TCP1: variants seen among roughly 807,000 people sequenced by gnomAD.
The protein encoded by TCP1 is t-complex 1.
In TCP1, 6 loss-of-function variants were observed where a neutral mutation model predicts 54.7. The observed-to-expected ratio is 0.11, with a 90% CI of 0.06 to 0.22. TCP1 has a LOEUF of 0.22. Ranked by LOEUF, TCP1 falls within the 10% of genes least tolerant of loss-of-function variation. The probability of loss-of-function intolerance (pLI) is 1.00; values close to 1 mark genes in which losing one functional copy is unlikely to be tolerated. For synonymous variants in TCP1, 225 were observed against 229.7 expected, an observed-to-expected ratio of 0.98 and a Z score of 0.19; for missense variants, 511 against 678.2, an observed-to-expected ratio of 0.75 and a Z score of 2.74.
chr6:159,789,132 G>A (rs1029708816), intron 1 of TCP1: 2 of 469,610 alleles, frequency 4.3e-6, no homozygotes, highest in Admixed American at 3.6e-5. Context: ...CTTTCCCGCG[G>A]AGGGCGCGTT....
At position 159,778,838 on chromosome 6, in the gene TCP1, A is replaced by C; in HGVS notation, c.*207T>G. The C allele has an allele frequency of 6.2e-7, 1 of 1,614,036 alleles. No individual in the cohort carries two copies. Among genetic ancestry groups the C allele is most frequent in the Non-Finnish European group, 8.5e-7 (1 of 1,179,910 alleles). ...GTGTTCAGAGAGAATGAATTGCTTA[A>C]ACTTTGAACAACCTCAATTTCTTTT... On this transcript the variant is annotated 3_prime_UTR_variant, in exon 12 of 12. Transcript: ENST00000321394.
intron 4 of TCP1, 170 bp downstream of exon 4, chr6:159,785,730 G>A: frequency 5.1e-6 from 4 of 788,674 alleles, no homozygotes; most frequent in Admixed American, 1.9e-5. Flanking sequence ...AGTCAAATGA[G>A]AAAAAAGATA....
Position 159,785,530 on chromosome 6 carries a change from A to G in TCP1, c.378-34T>C, listed in dbSNP as rs149239426. 9,038 of 1,500,958 alleles carry G rather than the reference A, an allele frequency of 6.0e-3. 97 individuals are homozygous for G. The highest frequency in any genetic ancestry group is 0.05 in the Middle Eastern group (294 of 5,870). The allele number at this position is 1,500,958 out of a possible 1,614,324, so 93.0% of individuals were successfully genotyped here. Reference sequence around the variant, plus strand: ...AAGTGTGGGGGAGAAAAACGCTTATAAAGTCACTACTCAAACTCTTTGCAT... The same window carrying G: ...AAGTGTGGGGGAGAAAAACGCTTATGAAGTCACTACTCAAACTCTTTGCAT... On this transcript the variant is annotated intron_variant, in intron 4 of 11. Transcript: ENST00000321394.
chr6:159,786,058 G>A, intron 3 of TCP1, 61 bp from the exon 4 acceptor site: 5 of 1,330,622 alleles, frequency 3.8e-6, no homozygotes, highest in South Asian at 1.2e-5. Flanking sequence ...CAATACATAT[G>A]GAATGACACT....
chr6:159,789,459 G>A lies in TCP1; in HGVS notation c.10C>T (p.Pro4Ser). The A allele has an allele frequency of 6.2e-7, 1 of 1,613,926 alleles. No individual in the cohort carries two copies. Among genetic ancestry groups the A allele is most frequent in the Non-Finnish European group, 8.5e-7 (1 of 1,179,856 alleles). Residue 4 changes from proline (P) to serine (S), a missense_variant, in exon 1 of 12, where the codon CCT (proline) becomes TCT (serine). Physicochemically the swap from Pro to Ser is moderately conservative, Grantham distance 74. Coordinates refer to ENST00000321394, the MANE Select transcript of TCP1 (RefSeq NM_030752.3). MEG[P>S]LSVFGDRSTG... ...CTGCGGTCACCGAACACGGACAAAG[G>A]CCCCTCCATCTTGACGGCAGCGATA...
In TCP1 at chr6:159,785,209, C is replaced by G; in HGVS notation, c.488+177G>C. On this transcript the variant is annotated intron_variant, in intron 5 of 11. Coordinates refer to ENST00000321394, the MANE Select transcript of TCP1 (RefSeq NM_030752.3). The stretch of plus-strand genomic sequence containing the variant: ...GCGCAACACATGCGCACACACGCAC[C>G]CACTCCCGAGACAGGGTCTTGCTAT... 8.0e-6 allele frequency: 5 copies of G among 622,256 alleles called. No homozygotes were observed. In the South Asian group the frequency reaches 9.5e-5, roughly 12 times the overall value. 38.5% of individuals were successfully genotyped at this position (622,256 alleles called of 1,614,324 possible).
In TCP1 at chr6:159,779,088, C is replaced by G. The variant is rs1463323035; in HGVS notation, c.1628G>C (p.Gly543Ala). Reference sequence around the variant, plus strand: ...AGAGTGAACAGCATCTTCATAACTTCCATGTTTATCATCTTTACTTTCTGG... The same window carrying G: ...AGAGTGAACAGCATCTTCATAACTTGCATGTTTATCATCTTTACTTTCTGG... Reference protein sequence around the residue: ...LHPESKDDKHGSYEDAVHSGA... With the variant: ...LHPESKDDKHASYEDAVHSGA... Residue 543 changes from glycine (G) to alanine (A), a missense_variant, in exon 12 of 12, where the codon GGA (glycine) becomes GCA (alanine). This residue lies in a region of TCP1 where 29 missense variants were observed against 27.7 expected (regional missense o/e 1.05). Transcript: ENST00000321394. 1.2e-6 allele frequency: 2 copies of G among 1,613,932 alleles called. No homozygotes were observed. Among genetic ancestry groups the G allele is most frequent in the Non-Finnish European group, 1.7e-6 (2 of 1,179,970 alleles).
chr6:159,783,858 TA>T, intron 7 of TCP1, 82 bp downstream of exon 7: 2 of 1,474,198 alleles, frequency 1.4e-6, no homozygotes, highest in Non-Finnish European at 1.8e-6. Context: ...TTTCTGGAAG[TA>T]AAATAGTTTG....
In TCP1 at chr6:159,785,509, G is replaced by A. The variant is rs1780673801; in HGVS notation, c.378-13C>T. The A allele has an allele frequency of 6.9e-6, 11 of 1,596,254 alleles. No individual in the cohort carries two copies. Among genetic ancestry groups the A allele is most frequent in the Admixed American group, 1.7e-5 (1 of 59,984 alleles). On this transcript the variant is annotated splice_polypyrimidine_tract_variant and intron_variant, in intron 4 of 11. Transcript: ENST00000321394. ...ACGCACTGCTTCCCTGTTTAAAAGTGTGGGGGAGAAAAACGCTTATAAAGT... is the reference window on the plus strand; with the variant it reads ...ACGCACTGCTTCCCTGTTTAAAAGTATGGGGGAGAAAAACGCTTATAAAGT...
At chr6:159,779,407 A>G (rs1780517457) in intron 11 of TCP1, 146 bp from the exon 12 acceptor site, 2 of 962,802 alleles carry the variant, frequency 2.1e-6, no homozygotes, top group African/African-American at 1.7e-5. Context: ...AGAAGCAGGG[A>G]GAGATTAGCA....
rs1473339485 is a variant in TCP1, at chr6:159,780,005, C to A, written c.1180G>T (p.Asp394Tyr). Residue 394 changes from aspartate (D) to tyrosine (Y), a missense_variant, in exon 10 of 12, where the codon GAT becomes TAT. By Grantham distance (160) the Asp-to-Tyr change is radical (BLOSUM62 -3). This residue lies in a region of TCP1 where 305 missense variants were observed against 352.8 expected (regional missense o/e 0.86). Transcript: ENST00000321394. ...ACTCTCTTCACTACACAAAGTGCAT[C>A]ATGTAAAGAGCGCTCCATCTCATCA... ...MCDEMERSLH[D>Y]ALCVVKRVLE... 6.2e-7 allele frequency: 1 copy of A among 1,614,140 alleles called. No homozygotes were observed. The highest frequency in any genetic ancestry group is 8.5e-7 in the Non-Finnish European group (1 of 1,180,030).
At chr6:159,780,342 C>G in intron 9 of TCP1, 101 bp downstream of exon 9, 6 of 1,540,226 alleles carry the variant, frequency 3.9e-6, no homozygotes, top group Non-Finnish European at 4.5e-6. Context: ...TATAACTGCT[C>G]GTATCACTGT....
intron 7 of TCP1, among the ~76,000 whole-genome samples, chr6:159,783,720 G>A (rs1467263458): frequency 6.6e-6 from 1 of 152,070 alleles, no homozygotes; most frequent in African/African-American, 2.4e-5. Flanking sequence ...CTGCTTTGAG[G>A]AAATTAGATT....
intron 3 of TCP1, 26 bp from the exon 4 acceptor site, chr6:159,786,023 G>C: frequency 3.2e-6 from 5 of 1,568,272 alleles, no homozygotes; most frequent in Admixed American, 1.7e-5. Flanking sequence ...TCACTGGTCT[G>C]AGTGTGCCGG....
chr6:159,778,822 G>C lies in TCP1; in HGVS notation c.*223C>G, dbSNP rs766982295. On this transcript the variant is annotated 3_prime_UTR_variant, in exon 12 of 12. Coordinates refer to ENST00000321394, the MANE Select transcript of TCP1 (RefSeq NM_030752.3). Reference sequence around the variant, plus strand: ...ATGGGAATAGCAATGTGTGTTCAGAGAGAATGAATTGCTTAAACTTTGAAC... The same window carrying C: ...ATGGGAATAGCAATGTGTGTTCAGACAGAATGAATTGCTTAAACTTTGAAC... 6.2e-7 allele frequency: 1 copy of C among 1,614,170 alleles called. No individual in the cohort carries two copies. Among genetic ancestry groups the C allele is most frequent in the Non-Finnish European group, 8.5e-7 (1 of 1,180,032 alleles).
Position 159,778,559 on chromosome 6 carries a change from A to G in TCP1, c.*486T>C, listed in dbSNP as rs1390228071. ...GTTAAAATGAAAATTTGAGTTTGAAAGGGTAGCATGCTGATACATTAAGAG... is the reference window on the plus strand; with the variant it reads ...GTTAAAATGAAAATTTGAGTTTGAAGGGGTAGCATGCTGATACATTAAGAG... On this transcript the variant is annotated 3_prime_UTR_variant, in exon 12 of 12. Transcript: ENST00000321394. 2 of 1,325,650 alleles carry G rather than the reference A, an allele frequency of 1.5e-6. No homozygotes were observed. Among genetic ancestry groups the G allele is most frequent in the Non-Finnish European group, 2.1e-6 (2 of 965,624 alleles). The allele number at this position is 1,325,650 out of a possible 1,614,324, so 82.1% of individuals were successfully genotyped here. A position where few individuals can be genotyped will look rare whatever the true frequency, so the allele number is the denominator to read the frequency against.
chr6:159,786,168 C>A, intron 3 of TCP1, 171 bp from the exon 4 acceptor site: 2 of 552,358 alleles, frequency 3.6e-6, no homozygotes, highest in Admixed American at 3.3e-5. Context: ...ACAAAACACT[C>A]CAAGTCCTCC....
chr6:159,780,677 G>T, intron 8 of TCP1, 111 bp from the exon 9 acceptor site: 1 of 1,415,612 alleles, frequency 7.1e-7, no homozygotes, highest in Non-Finnish European at 9.6e-7. Flanking sequence ...TTAGAATTTA[G>T]TTAGGCAGCA....
intron 6 of TCP1, among the ~76,000 whole-genome samples, chr6:159,784,353 G>A (rs1780645449): frequency 6.7e-6 from 1 of 149,970 alleles, no homozygotes; most frequent in Admixed American, 6.6e-5. Context: ...AGCCCAGGCT[G>A]GAGTGCAGTG....
Sources: gnomAD v4.1 joint callset for allele counts (sites outside exome capture counted in the v4.1 genomes callset) on GRCh38, gnomAD v4.1.1 for gene constraint, gnomAD v4.1.1 regional missense constraint, MANE v1.5 for transcripts, NCBI Gene and HGNC (gene_info 2026-07-23, HGNC 2026-07-21) for gene names.